Variants in MTHFD1L observed in about 807,000 individuals in gnomAD.
MTHFD1L encodes monofunctional C1-tetrahydrofolate synthase, mitochondrial.
MTHFD1L carries 81 observed loss-of-function variants against 119.5 expected under a neutral mutation model. The observed-to-expected ratio is 0.68, with a 90% confidence interval of 0.57 to 0.82. The LOEUF is 0.82. Ranked by LOEUF, MTHFD1L falls within the 40% of genes least tolerant of loss-of-function variation. The pLI is 0.00. For synonymous variants in MTHFD1L, 430 were observed against 475.2 expected (o/e 0.90, Z 1.24); for missense variants, 1,125 against 1,253.4 (o/e 0.90, Z 1.55).
At chr6:150,984,506 G>A (rs142880079) in intron 20 of MTHFD1L, among the ~76,000 whole-genome samples, 4,171 of 149,938 alleles carry the variant, frequency 0.028, 205 homozygotes, top group Admixed American at 0.14. Context: ...ACTGGGAATA[G>A]TAAGCTGTTA....
chr6:151,014,329 A>G (rs768415335), intron 22 of MTHFD1L, among the ~76,000 whole-genome samples: 2 of 152,232 alleles, frequency 1.3e-5, no homozygotes, highest in Non-Finnish European at 2.9e-5. Context: ...TTTGTCTACT[A>G]TTGTGTACTC....
Position 150,933,772 on chromosome 6 carries a change from C to G in MTHFD1L, c.1257-3032C>G, listed in dbSNP as rs866517485. 3.3e-5 allele frequency among the ~76,000 whole-genome samples: 5 copies of G among 152,222 alleles called. 1 individual carries two copies. Among genetic ancestry groups the G allele is most frequent in the Middle Eastern group, 6.8e-3 (2 of 294 alleles). ...TTCCTGTCATGTTCTGCCTTCTTCT[C>G]CAGGGTCCTCTTATTTTTTGTGTTT... is the stretch of plus-strand genomic sequence containing the variant. On this transcript the variant is annotated intron_variant, in intron 11 of 27. Transcript: ENST00000367321.
chr6:150,933,771 T>C (rs1791570736), intron 11 of MTHFD1L, among the ~76,000 whole-genome samples: 1 of 152,110 alleles, frequency 6.6e-6, no homozygotes, highest in South Asian at 2.1e-4. Context: ...TGCCTTCTTC[T>C]CCAGGGTCCT....
intron 21 of MTHFD1L, among the ~76,000 whole-genome samples, chr6:151,013,491 T>C (rs917018252): frequency 5.3e-5 from 8 of 152,244 alleles, no homozygotes; most frequent in African/African-American, 1.9e-4. Flanking sequence ...TACTGTTCCA[T>C]TGGCTCAAAT....
intron 20 of MTHFD1L, among the ~76,000 whole-genome samples, chr6:150,972,640 C>T (rs11155764): frequency 0.08 from 12,224 of 152,248 alleles, 1,251 homozygotes; most frequent in East Asian, 0.54. Context: ...AACAACCAGC[C>T]TTAGCCCCTG....
intron 20 of MTHFD1L, among the ~76,000 whole-genome samples, chr6:150,984,106 T>A (rs908009600): frequency 3.3e-5 from 5 of 152,230 alleles, no homozygotes; most frequent in Non-Finnish European, 7.3e-5. Context: ...TTCTACATTG[T>A]CTATTGACTT....
At chr6:151,017,242 C>T (rs946522083) in intron 24 of MTHFD1L, among the ~76,000 whole-genome samples, 1 of 152,180 alleles carries the variant, frequency 6.6e-6, no homozygotes, top group African/African-American at 2.4e-5. Flanking sequence ...CCTTCATTTC[C>T]ATGAATGTAA....
intron 7 of MTHFD1L, among the ~76,000 whole-genome samples, chr6:150,890,794 G>T (rs990405157): frequency 2.0e-5 from 3 of 152,180 alleles, no homozygotes; most frequent in African/African-American, 7.2e-5. Context: ...AGCCAAGCAG[G>T]CGACTTGAAA....
chr6:151,062,620 T>C (rs1790774058), intron 26 of MTHFD1L, among the ~76,000 whole-genome samples: 1 of 152,120 alleles, frequency 6.6e-6, no homozygotes, highest in Admixed American at 6.5e-5. Context: ...TAGGACTGTG[T>C]TGGGGGCAGG....
chr6:151,030,999 G>A (rs1785267434), intron 24 of MTHFD1L, among the ~76,000 whole-genome samples: 1 of 152,158 alleles, frequency 6.6e-6, no homozygotes, highest in South Asian at 2.1e-4. Context: ...TGGGCAACAT[G>A]GTGAGACCTC....
chr6:151,057,382 T>G, intron 26 of MTHFD1L: 1 of 982,456 alleles, frequency 1.0e-6, no homozygotes, highest in Non-Finnish European at 1.2e-6. Flanking sequence ...GGCTCACGTC[T>G]GTAATCCCAA....
intron 26 of MTHFD1L, among the ~76,000 whole-genome samples, chr6:151,091,426 G>C (rs1467406991): frequency 6.6e-6 from 1 of 152,162 alleles, no homozygotes; most frequent in Non-Finnish European, 1.5e-5. Flanking sequence ...CTGAGGATCC[G>C]TCAAGGGGGC....
At chr6:150,882,197 A>G (rs1157359144) in intron 4 of MTHFD1L, among the ~76,000 whole-genome samples, 10 of 152,116 alleles carry the variant, frequency 6.6e-5, no homozygotes, top group Admixed American at 6.5e-4. Context: ...CATGCTAAGA[A>G]TTTTTCTAGC....
At chr6:150,970,901 C>T (rs1414058213) in intron 19 of MTHFD1L, among the ~76,000 whole-genome samples, 1 of 152,150 alleles carries the variant, frequency 6.6e-6, no homozygotes, top group African/African-American at 2.4e-5. Context: ...CTAATCTTGA[C>T]TTAATTATTA....
At chr6:151,008,852 C>T (rs1037804995) in intron 20 of MTHFD1L, among the ~76,000 whole-genome samples, 2 of 151,824 alleles carry the variant, frequency 1.3e-5, no homozygotes, top group Non-Finnish European at 2.9e-5. Context: ...TGTGGTGGCT[C>T]ATGCCTGTAA....
chr6:151,044,879 G>A (rs1231384859), intron 26 of MTHFD1L, among the ~76,000 whole-genome samples: 1 of 152,162 alleles, frequency 6.6e-6, no homozygotes, highest in Non-Finnish European at 1.5e-5. Flanking sequence ...ACTGGACTGA[G>A]GGCCATGAAA....
At chr6:151,060,223 T>C (rs1291166605) in intron 26 of MTHFD1L, among the ~76,000 whole-genome samples, 1 of 152,198 alleles carries the variant, frequency 6.6e-6, no homozygotes, top group Non-Finnish European at 1.5e-5. Flanking sequence ...GTTCTCTCCT[T>C]GTAAGTGACT....
rs397887884 is a variant in MTHFD1L at position 150,918,064 on chromosome 6, C to CTTT, written c.893-496_893-494dup. On this transcript the variant is annotated intron_variant, in intron 8 of 27. Transcript: ENST00000367321. ...ATCCCAGGTTAATAGCTTAGATGGC[C>CTTT]TTTTTTTTTTTTTTTTTTTGAGATG... 1.5e-3 allele frequency among the ~76,000 whole-genome samples: 179 copies of CTTT among 121,954 alleles called. 2 individuals are homozygous for CTTT. The highest frequency in any genetic ancestry group is 4.5e-3 in the Middle Eastern group (1 of 222). The allele number at this position is 121,954 out of a possible 152,430, so 80.0% of individuals were successfully genotyped here. A position where few individuals can be genotyped will look rare whatever the true frequency, so the allele number is the denominator to read the frequency against.
intron 20 of MTHFD1L, among the ~76,000 whole-genome samples, chr6:150,985,660 C>CAAAAAAAAA (rs71014533): frequency 6.3e-5 from 5 of 78,932 alleles, no homozygotes; most frequent in African/African-American, 1.5e-4. Context: ...GACTCTGTCT[C>CAAAAAAAAA]AAAAAAAAAA....
Sources: gnomAD v4.1 joint callset for allele counts (sites outside exome capture counted in the v4.1 genomes callset) on GRCh38, gnomAD v4.1.1 for gene constraint, MANE v1.5 for transcripts, NCBI Gene and HGNC (gene_info 2026-07-23, HGNC 2026-07-21) for gene names.